The following GALNT8 variants were observed in gnomAD, a reference collection of about 807,000 sequenced individuals.
GALNT8 encodes the protein probable polypeptide N-acetylgalactosaminyltransferase 8.
GALNT8 carries 66 observed loss-of-function variants against 62.7 expected under a neutral mutation model. The observed-to-expected ratio is 1.05, with a 90% CI of 0.86 to 1.29. GALNT8 has a LOEUF of 1.29. Among genes scored for constraint, GALNT8 ranks in the 50% most tolerant of loss-of-function variants. GALNT8 has a pLI of 0.00. For missense variants in GALNT8, 771 were observed against 791.8 expected (o/e 0.97, Z 0.32); for synonymous variants, 288 against 294.3 (o/e 0.98, Z 0.22).
intron 3 of GALNT8, among the ~76,000 whole-genome samples, chr12:4,743,677 G>A (rs1946282337): frequency 6.6e-6 from 1 of 152,172 alleles, no homozygotes; most frequent in Admixed American, 6.5e-5. Flanking sequence ...ATGTGACTTG[G>A]AAAAGTTTTT....
At chr12:4,762,203 C>CA (rs1946376401) in intron 7 of GALNT8, among the ~76,000 whole-genome samples, 1 of 152,152 alleles carries the variant, frequency 6.6e-6, no homozygotes, top group South Asian at 2.1e-4. Flanking sequence ...AAGTACCCTC[C>CA]AGGACATCCC....
Position 4,755,826 on chromosome 12 carries a change from C to T in GALNT8, c.1174-5132C>T, listed in dbSNP as rs184798857. Reference sequence around the variant, plus strand: ...ATGTCACGCAATAAATCAACCCAAACTCAGTGCCTTAAAGCAGCAATAATC... The same window carrying T: ...ATGTCACGCAATAAATCAACCCAAATTCAGTGCCTTAAAGCAGCAATAATC... On this transcript the variant is annotated intron_variant, in intron 6 of 10. Coordinates refer to ENST00000252318, the MANE Select transcript of GALNT8 (RefSeq NM_017417.2). Among the ~76,000 whole-genome samples the T allele has an allele frequency of 9.4e-4, 143 of 152,344 alleles. 1 individual carries two copies. Among genetic ancestry groups the T allele is most frequent in the Admixed American group, 4.8e-3 (74 of 15,312 alleles).
At chr12:4,723,178 C>T (rs148708542) in intron 1 of GALNT8, among the ~76,000 whole-genome samples, 42 of 152,044 alleles carry the variant, frequency 2.8e-4, no homozygotes, top group Non-Finnish European at 4.4e-4. Context: ...ATTCATACAT[C>T]GAAATTCCAT....
rs1246417174 is a variant in GALNT8 at position 4,749,664 on chromosome 12, G to T, written c.1173+3406G>T. On this transcript the variant is annotated intron_variant, in intron 6 of 10. Coordinates refer to ENST00000252318, the MANE Select transcript of GALNT8 (RefSeq NM_017417.2). The surrounding 1 kb of genome is among the most constrained non-coding windows in gnomAD (Gnocchi z 4.1). ...GTCTTTGTCTTGTTTTGGTAGCAGG[G>T]TAATACTGGCCTCATAGAATGAGTT... is the stretch of plus-strand genomic sequence containing the variant. Among the ~76,000 whole-genome samples the T allele has an allele frequency of 6.6e-6, 1 of 151,474 alleles. No homozygotes were observed. Among genetic ancestry groups the T allele is most frequent in the Non-Finnish European group, 1.5e-5 (1 of 67,868 alleles).
chr12:4,731,366 T>A (rs1011984428), intron 2 of GALNT8, among the ~76,000 whole-genome samples: 1 of 152,230 alleles, frequency 6.6e-6, no homozygotes, highest in Admixed American at 6.5e-5. Flanking sequence ...TGAATTTGTT[T>A]ATTAGTTTTA....
At chr12:4,760,647 C>A (rs781187134) in intron 6 of GALNT8, among the ~76,000 whole-genome samples, 4 of 152,164 alleles carry the variant, frequency 2.6e-5, no homozygotes, top group Non-Finnish European at 4.4e-5. Flanking sequence ...GGCATGGTGC[C>A]TCTCAGGACA....
At chr12:4,763,525 A>G (rs1280423321) in intron 8 of GALNT8, 135 bp downstream of exon 8, 2 of 699,484 alleles carry the variant, frequency 2.9e-6, no homozygotes, top group African/African-American at 1.8e-5. Flanking sequence ...TTCGCCCTCA[A>G]CCCTCTCAGT....
chr12:4,748,104 C>A (rs1946308060), intron 6 of GALNT8, among the ~76,000 whole-genome samples: 1 of 152,090 alleles, frequency 6.6e-6, no homozygotes, highest in South Asian at 2.1e-4. Context: ...AAGCTCCTTG[C>A]ATATTCTGGT....
In GALNT8 at chr12:4,726,465, G is replaced by C; in HGVS notation, c.212-67G>C. Reference sequence around the variant, plus strand: ...CGTTAGAGGAAATTAGGATGGAAAGGAATACCCAGGTAACTAAGGAGGGGC... The same window carrying C: ...CGTTAGAGGAAATTAGGATGGAAAGCAATACCCAGGTAACTAAGGAGGGGC... On this transcript the variant is annotated intron_variant, in intron 1 of 10. Coordinates refer to ENST00000252318, the MANE Select transcript of GALNT8 (RefSeq NM_017417.2). The surrounding 1 kb of genome is among the most constrained non-coding windows in gnomAD (Gnocchi z 4.1). 2 of 1,083,590 alleles carry C rather than the reference G, an allele frequency of 1.8e-6. No homozygotes were observed. The highest frequency in any genetic ancestry group is 2.7e-6 in the Non-Finnish European group (2 of 734,834). The allele number at this position is 1,083,590 out of a possible 1,614,324, so 67.1% of individuals were successfully genotyped here.
intron 2 of GALNT8, among the ~76,000 whole-genome samples, chr12:4,728,794 C>A (rs1946207849): frequency 6.6e-6 from 1 of 152,150 alleles, no homozygotes; most frequent in Admixed American, 6.5e-5. Flanking sequence ...AAATGTGAAT[C>A]TTCCAACTTT....
chr12:4,731,394 C>T (rs1190719700), intron 2 of GALNT8, among the ~76,000 whole-genome samples: 1 of 152,120 alleles, frequency 6.6e-6, no homozygotes, highest in Non-Finnish European at 1.5e-5. Flanking sequence ...GTAGTGGGTT[C>T]TTTAGGGCTT....
intron 3 of GALNT8, among the ~76,000 whole-genome samples, 200 bp downstream of exon 3, chr12:4,739,529 T>C (rs1476321890): frequency 6.6e-6 from 1 of 152,034 alleles, no homozygotes; most frequent in Non-Finnish European, 1.5e-5. Flanking sequence ...TATCTCTACA[T>C]GGATGAGGAA....
chr12:4,745,971 C>T (rs953394860), intron 5 of GALNT8, among the ~76,000 whole-genome samples, 173 bp from the exon 6 acceptor site: 1 of 152,188 alleles, frequency 6.6e-6, no homozygotes, highest in African/African-American at 2.4e-5. Flanking sequence ...TATGATAACG[C>T]AGTGGGCGAG....
At chr12:4,743,614 C>G (rs566452313) in intron 3 of GALNT8, among the ~76,000 whole-genome samples, 6 of 152,148 alleles carry the variant, frequency 3.9e-5, no homozygotes, top group African/African-American at 4.8e-5. Context: ...ACACGGTGTT[C>G]TGGTGGCTAA....
chr12:4,747,921 G>T (rs1037133168), intron 6 of GALNT8, among the ~76,000 whole-genome samples: 1 of 152,136 alleles, frequency 6.6e-6, no homozygotes, highest in African/African-American at 2.4e-5. Flanking sequence ...TTTAACTGGA[G>T]TGAGATGATA....
In GALNT8 at chr12:4,766,771, C is replaced by T. The variant is rs112758482; in HGVS notation, c.1761+1225C>T. 3.8e-3 allele frequency among the ~76,000 whole-genome samples: 576 copies of T among 152,150 alleles called. 7 individuals carry two copies. Among genetic ancestry groups the T allele is most frequent in the African/African-American group, 0.013 (524 of 41,524 alleles). On this transcript the variant is annotated intron_variant, in intron 10 of 10. Transcript: ENST00000252318. ...CTGTGTCTCTGAATGCGGTACTATGCTTGGTTCAGGTGCCACACGGACAAT... is the reference window on the plus strand; with the variant it reads ...CTGTGTCTCTGAATGCGGTACTATGTTTGGTTCAGGTGCCACACGGACAAT...
chr12:4,739,398 T>C, intron 3 of GALNT8, 69 bp downstream of exon 3: 1 of 1,366,490 alleles, frequency 7.3e-7, no homozygotes, highest in Non-Finnish European at 1.0e-6. Flanking sequence ...TGGAAAGAGG[T>C]TTTGGCTTAG....
rs751179432 is a variant in GALNT8 at position 4,772,518 on chromosome 12, T to C, written c.1835T>C (p.Leu612Pro). ...AAGGATCTTTTGGGTAGCCACGTGCTTGTGCTCCAGACCTGTAGCACGCAA... is the reference window on the plus strand; with the variant it reads ...AAGGATCTTTTGGGTAGCCACGTGCCTGTGCTCCAGACCTGTAGCACGCAA... ...MKKDLLGSHVLVLQTCSTQVW... is the reference protein window; with the variant it reads ...MKKDLLGSHVPVLQTCSTQVW... Residue 612 changes from leucine (L) to proline (P), a missense_variant, in exon 11 of 11, where the codon CTT (leucine) becomes CCT (proline). Coordinates refer to ENST00000252318, the MANE Select transcript of GALNT8 (RefSeq NM_017417.2). The C allele has an allele frequency of 6.8e-6, 11 of 1,613,668 alleles. No individual in the cohort carries two copies. In the African/African-American group the frequency reaches 1.2e-4, roughly 18 times the overall value.
In GALNT8 at chr12:4,763,375, C is replaced by G; in HGVS notation, c.1482C>G (p.Ile494Met). Residue 494 changes from isoleucine (I) to methionine (M), a missense_variant, in exon 8 of 11, where the codon ATC becomes ATG. Coordinates refer to ENST00000252318, the MANE Select transcript of GALNT8 (RefSeq NM_017417.2). Reference sequence around the variant, plus strand: ...CACTCTTGAAGCCACTCCACACCATCGTGGGCTATGGAAGAGTATGTATTA... The same window carrying G: ...CACTCTTGAAGCCACTCCACACCATGGTGGGCTATGGAAGAGTATGTATTA... Reference protein sequence around the residue: ...VYPLLKPLHTIVGYGRMKNLL... With the variant: ...VYPLLKPLHTMVGYGRMKNLL... 3 of 1,612,474 alleles carry G rather than the reference C, an allele frequency of 1.9e-6. No individual in the cohort carries two copies. The highest frequency in any genetic ancestry group is 2.5e-6 in the Non-Finnish European group (3 of 1,178,590).
Sources: allele counts gnomAD v4.1 joint callset (sites outside exome capture counted in the v4.1 genomes callset), GRCh38; gene constraint gnomAD v4.1.1; non-coding constraint Gnocchi (gnomAD v3.1); transcripts MANE v1.5; gene names NCBI Gene and HGNC (gene_info 2026-07-23, HGNC 2026-07-21).